The following SDK1 variants were observed in gnomAD, a reference collection of about 807,000 sequenced individuals.
SDK1 encodes sidekick cell adhesion molecule 1.
A neutral mutation model predicts 245.5 loss-of-function variants in SDK1; 157 were observed. The ratio of observed to expected loss-of-function variants is 0.64; its 90% CI spans 0.56 to 0.73. The LOEUF is 0.73. Among genes scored for constraint, SDK1 ranks in the 30% least tolerant of loss-of-function variants. The pLI is 0.00. For synonymous variants in SDK1, 1,647 were observed against 1,278.5 expected (o/e 1.29, Z -6.15); for missense variants, 3,583 against 3,002.3 (o/e 1.19, Z -4.52).
At chr7:3,715,823 G>C (rs938942736) in intron 4 of SDK1, among the ~76,000 whole-genome samples, 1 of 152,174 alleles carries the variant, frequency 6.6e-6, no homozygotes, top group Non-Finnish European at 1.5e-5. Flanking sequence ...CAAAATTGAA[G>C]TGAGTCAGCT....
Position 4,012,224 on chromosome 7 carries a change from A to T in SDK1, c.2409A>T (p.Gly803=). The change falls in exon 16 of 45, where the codon GGA becomes GGT. Residue 803 remains glycine, a synonymous_variant. Coordinates refer to ENST00000404826, the MANE Select transcript of SDK1 (RefSeq NM_152744.4). ...CAGAGCACAACGGGGTGTTGCGTGG[A>T]TACATCCTCAGGCAAGTGCCCTGTG... ...PETEHNGVLR[G]YILRYRLAGL... 6.6e-7 allele frequency: 1 copy of T among 1,518,582 alleles called. No homozygotes were observed. Among genetic ancestry groups the T allele is most frequent in the South Asian group, 1.3e-5 (1 of 74,834 alleles). 94.1% of individuals were successfully genotyped at this position (1,518,582 alleles called of 1,614,324 possible).
chr7:3,899,861 C>T (rs1014866095), intron 5 of SDK1, among the ~76,000 whole-genome samples: 3 of 152,252 alleles, frequency 2.0e-5, no homozygotes, highest in African/African-American at 7.2e-5. Context: ...AGTGCTTTGT[C>T]CCTGCTTCCC....
intron 11 of SDK1, 83 bp from the exon 12 acceptor site, chr7:3,971,383 G>C (rs548705826): frequency 1.8e-5 from 16 of 886,302 alleles, no homozygotes; most frequent in South Asian, 1.4e-4. Context: ...TGTGATGTCA[G>C]ATGACCAGGG....
chr7:4,190,394 T>C (rs1269093446), intron 35 of SDK1, among the ~76,000 whole-genome samples: 1 of 152,172 alleles, frequency 6.6e-6, no homozygotes, highest in Non-Finnish European at 1.5e-5. Flanking sequence ...TCACAGATGG[T>C]CACCATCCCC....
intron 28 of SDK1, among the ~76,000 whole-genome samples, chr7:4,136,171 A>G (rs1232573966): frequency 6.6e-6 from 1 of 152,208 alleles, no homozygotes; most frequent in Non-Finnish European, 1.5e-5. Flanking sequence ...CGAGGCAGAC[A>G]ACGTCACTGC....
rs945054774 is a variant in SDK1 at position 4,132,366 on chromosome 7, C to G, written c.4171C>G (p.Leu1391Val). The G allele has an allele frequency of 4.3e-6, 7 of 1,613,020 alleles. No individual in the cohort carries two copies. Among genetic ancestry groups the G allele is most frequent in the Non-Finnish European group, 5.9e-6 (7 of 1,179,342 alleles). The stretch of plus-strand genomic sequence containing the variant: ...GAGGCTCGTGTTCCCCGAAGTGAGA[C>G]TCACCTCCGTGCGGATAGTGTGGCA... ...PVRLVFPEVR[L>V]TSVRIVWQPP... Residue 1391 changes from leucine to valine, a missense_variant, in exon 28 of 45, where the codon CTC (leucine) becomes GTC (valine). By Grantham distance (32) the Leu-to-Val change is conservative. Coordinates refer to ENST00000404826, the MANE Select transcript of SDK1 (RefSeq NM_152744.4).
chr7:3,485,618 A>C (rs987671673), intron 1 of SDK1, among the ~76,000 whole-genome samples: 14 of 142,298 alleles, frequency 9.8e-5, no homozygotes, highest in African/African-American at 3.6e-4. Flanking sequence ...GCTGTTATGA[A>C]AATGCTTTCT....
At chr7:3,882,289 G>C (rs551053502) in intron 5 of SDK1, among the ~76,000 whole-genome samples, 161 of 152,286 alleles carry the variant, frequency 1.1e-3, no homozygotes, top group Non-Finnish European at 1.7e-3. Context: ...ATCACCAGGT[G>C]GGGGGTGGCT....
intron 4 of SDK1, among the ~76,000 whole-genome samples, chr7:3,725,839 G>A (rs1331462678): frequency 2.6e-5 from 4 of 152,140 alleles, no homozygotes; most frequent in Non-Finnish European, 4.4e-5. Context: ...ATTTACTACC[G>A]TAATAAAGTT....
intron 17 of SDK1, among the ~76,000 whole-genome samples, chr7:4,047,335 G>C (rs1300548099): frequency 6.6e-6 from 1 of 152,154 alleles, no homozygotes; most frequent in Non-Finnish European, 1.5e-5. Context: ...CCATGTATAA[G>C]ATACACCTCG....
rs1325959139 is a variant in SDK1, at chr7:4,245,911, C to G, written c.6381+106C>G. 5.1e-6 allele frequency: 7 copies of G among 1,367,640 alleles called. No individual in the cohort carries two copies. The African/African-American group carries it at 7.2e-5, about 14-fold the overall frequency. 84.7% of individuals were successfully genotyped at this position (1,367,640 alleles called of 1,614,324 possible). On this transcript the variant is annotated intron_variant, in intron 44 of 44. Coordinates refer to ENST00000404826, the MANE Select transcript of SDK1 (RefSeq NM_152744.4). Reference sequence around the variant, plus strand: ...TGTCCTATTTGAGTCTCATAACATCCCCACAGGCAGAGCCAAGGACAAAGG... The same window carrying G: ...TGTCCTATTTGAGTCTCATAACATCGCCACAGGCAGAGCCAAGGACAAAGG...
At chr7:3,526,434 G>T (rs2464613) in intron 1 of SDK1, among the ~76,000 whole-genome samples, 138,445 of 152,270 alleles carry the variant, frequency 0.91, 63,190 homozygotes, top group East Asian at 1. Context: ...ATAATCATTG[G>T]TTTTAGATTG....
intron 9 of SDK1, among the ~76,000 whole-genome samples, chr7:3,966,147 G>T (rs899490117): frequency 3.3e-5 from 5 of 152,038 alleles, no homozygotes; most frequent in Non-Finnish European, 7.4e-5. Context: ...CTGTTAGGGG[G>T]CCTGCGGCAT....
At chr7:4,242,902 C>G (rs1293459228) in intron 43 of SDK1, among the ~76,000 whole-genome samples, 1 of 152,226 alleles carries the variant, frequency 6.6e-6, no homozygotes, top group African/African-American at 2.4e-5. Flanking sequence ...GGTGGGCCTT[C>G]TCCCAGCCAC....
chr7:4,012,278 T>A, intron 16 of SDK1, 43 bp downstream of exon 16: 1 of 1,433,670 alleles, frequency 7.0e-7, no homozygotes, highest in Non-Finnish European at 9.2e-7. Flanking sequence ...GCCATTAGAG[T>A]TGAGCGTCGA....
At chr7:3,521,815 C>G (rs182809650) in intron 1 of SDK1, among the ~76,000 whole-genome samples, 22 of 152,166 alleles carry the variant, frequency 1.4e-4, no homozygotes, top group Non-Finnish European at 1.2e-4. Context: ...TACAGTTGTA[C>G]AAGGTTTGGA....
intron 1 of SDK1, among the ~76,000 whole-genome samples, chr7:3,346,827 A>ATATATAATT (rs1228887289): frequency 2.4e-4 from 4 of 16,384 alleles, no homozygotes; most frequent in South Asian, 3.4e-3. Flanking sequence ...ATATATATAT[A>ATATATAATT]TTTTTTTTTT....
chr7:4,005,303 C>G (rs974490231), intron 14 of SDK1, among the ~76,000 whole-genome samples: 23 of 151,832 alleles, frequency 1.5e-4, no homozygotes, highest in African/African-American at 5.3e-4. Context: ...CCTCGGCCTC[C>G]CAAAGTGCTG....
At chr7:4,211,990 T>G (rs1358971805) in intron 38 of SDK1, among the ~76,000 whole-genome samples, 1 of 152,198 alleles carries the variant, frequency 6.6e-6, no homozygotes, top group African/African-American at 2.4e-5. Context: ...AAGATTCCGG[T>G]CTGGGAGGCA....
Sources: allele counts gnomAD v4.1 joint callset (sites outside exome capture counted in the v4.1 genomes callset), GRCh38; gene constraint gnomAD v4.1.1; transcripts MANE v1.5; gene names NCBI Gene and HGNC (gene_info 2026-07-23, HGNC 2026-07-21).